The following B3GNT6 variants were observed in gnomAD, a reference collection of about 807,000 sequenced individuals.
The protein encoded by B3GNT6 is UDP-GlcNAc:betaGal beta-1,3-N-acetylglucosaminyltransferase 6, also known as acetylgalactosaminyl-O-glycosyl-glycoprotein beta-1,3-N-acetylglucosaminyltransferase.
For synonymous variants in B3GNT6, 300 were observed against 270.0 expected, an observed-to-expected ratio of 1.11 and a Z score of -1.09; for missense variants, 624 against 568.6, an observed-to-expected ratio of 1.10 and a Z score of -0.99.
Position 77,039,682 on chromosome 11 carries a change from A to C in B3GNT6, c.131A>C (p.Gln44Pro), listed in dbSNP as rs367808467. The C allele has an allele frequency of 1.2e-6, 2 of 1,612,178 alleles. No homozygotes were observed. The highest frequency in any genetic ancestry group is 1.7e-5 in the Admixed American group (1 of 59,960). Reference protein sequence around the residue: ...PRSPREERSPQEETPEGPTDA... With the variant: ...PRSPREERSPPEETPEGPTDA... ...TCCCCGCGGGAGGAGAGGTCCCCGCAGGAGGAGACGCCAGAGGGTCCCACC... is the reference window on the plus strand; with the variant it reads ...TCCCCGCGGGAGGAGAGGTCCCCGCCGGAGGAGACGCCAGAGGGTCCCACC... The change falls in exon 2 of 2, where the codon CAG (glutamine) becomes CCG (proline). Residue 44 changes from glutamine to proline, a missense_variant. Transcript: ENST00000622824.
Position 77,039,902 on chromosome 11 carries a change from G to T in B3GNT6, c.351G>T (p.Val117=). The change falls in exon 2 of 2, where the codon GTG becomes GTT. Residue 117 remains valine (V), a synonymous_variant. Transcript: ENST00000622824. The stretch of plus-strand genomic sequence containing the variant: ...CCAAGTGCGCCGGCGGCCGAGGCGT[G>T]TTCCTGCTCCTGGCGGTGAAGTCGG... ...APAKCAGGRG[V]FLLLAVKSAP... is the part of the protein sequence containing the mutation. 2.5e-6 allele frequency: 4 copies of T among 1,592,232 alleles called. No individual in the cohort carries two copies. The South Asian group carries it at 4.5e-5, about 18-fold the overall frequency.
intron 1 of B3GNT6, among the ~76,000 whole-genome samples, chr11:77,039,272 C>T (rs1949662813): frequency 6.6e-6 from 1 of 152,080 alleles, no homozygotes; most frequent in Admixed American, 6.5e-5. Flanking sequence ...AAGATGGAGA[C>T]TCAGACGATG....
Position 77,039,929 on chromosome 11 carries a change from G to T in B3GNT6, c.378G>T (p.Ala126=). 4 of 1,592,638 alleles carry T rather than the reference G, an allele frequency of 2.5e-6. No individual in the cohort carries two copies. In the South Asian group the frequency reaches 4.4e-5, roughly 18 times the overall value. ...GVFLLLAVKS[A]PEHYERRELI... is the part of the protein sequence containing the mutation. ...TCCTGCTCCTGGCGGTGAAGTCGGC[G>T]CCTGAGCACTACGAGCGACGCGAGC... is the stretch of plus-strand genomic sequence containing the variant. Residue 126 remains alanine, a synonymous_variant, in exon 2 of 2, where the codon GCG becomes GCT. Coordinates refer to ENST00000622824, the MANE Select transcript of B3GNT6 (RefSeq NM_138706.5).
Position 77,039,561 on chromosome 11 carries a change from C to G in B3GNT6, c.10C>G (p.Pro4Ala). ...TCGGTTTCCCCCACAGATGGCTTTT[C>G]CCTGCCGCAGGTCCCTGACTGCCAA... The part of the protein sequence containing the change: MAF[P>A]CRRSLTAKTL... Residue 4 changes from proline (P) to alanine (A), a missense_variant, in exon 2 of 2, where the codon CCC becomes GCC. Transcript: ENST00000622824. 6.3e-7 allele frequency: 1 copy of G among 1,576,016 alleles called. No individual in the cohort carries two copies. Among genetic ancestry groups the G allele is most frequent in the Non-Finnish European group, 8.6e-7 (1 of 1,161,232 alleles).
chr11:77,037,997 AG>A (rs1949647646), intron 1 of B3GNT6, among the ~76,000 whole-genome samples: 1 of 8,264 alleles, frequency 1.2e-4, no homozygotes, highest in Admixed American at 1.1e-3. Context: ...AGGGAGGAGG[AG>A]GGGGAGGAGG....
At chr11:77,039,443 G>A (rs1565240992) in intron 1 of B3GNT6, 109 bp from the exon 2 acceptor site, 3 of 1,492,286 alleles carry the variant, frequency 2.0e-6, no homozygotes, top group Non-Finnish European at 2.7e-6. Flanking sequence ...CAGCAGAGTT[G>A]AGAAGGGGCT....
Position 77,040,175 on chromosome 11 carries a change from G to A in B3GNT6, c.624G>A (p.Leu208=), listed in dbSNP as rs782553406. Reference sequence around the variant, plus strand: ...AGCACCTGCACTTGCTCGACTGGCTGGCTGCACGCTGCCCGCACGCGCGCT... The same window carrying A: ...AGCACCTGCACTTGCTCGACTGGCTAGCTGCACGCTGCCCGCACGCGCGCT... ...TLKHLHLLDW[L]AARCPHARFL... is the part of the protein sequence containing the mutation. Residue 208 remains leucine, a synonymous_variant, in exon 2 of 2, where the codon CTG becomes CTA. Transcript: ENST00000622824. 3 of 1,599,398 alleles carry A rather than the reference G, an allele frequency of 1.9e-6. No homozygotes were observed. The Admixed American group carries it at 5.0e-5, about 27-fold the overall frequency.
At chr11:77,035,154 T>C (rs1555026790) in intron 1 of B3GNT6, among the ~76,000 whole-genome samples, 1 of 152,120 alleles carries the variant, frequency 6.6e-6, no homozygotes, top group Non-Finnish European at 1.5e-5. Flanking sequence ...TGAATAGCAT[T>C]GCAAAGGCAA....
rs1555027497 is a variant in B3GNT6, at chr11:77,039,905, C to G, written c.354C>G (p.Phe118Leu). 1 of 1,592,364 alleles carries G rather than the reference C, an allele frequency of 6.3e-7. No individual in the cohort carries two copies. Residue 118 changes from phenylalanine to leucine, a missense_variant, in exon 2 of 2, where the codon TTC becomes TTG. Transcript: ENST00000622824. The stretch of plus-strand genomic sequence containing the variant: ...AGTGCGCCGGCGGCCGAGGCGTGTT[C>G]CTGCTCCTGGCGGTGAAGTCGGCGC... ...PAKCAGGRGV[F>L]LLLAVKSAPE...
In B3GNT6 at chr11:77,040,382, G is replaced by A; in HGVS notation, c.831G>A (p.Pro277=). ...AGCTCTTCCCCGGGTCCGCTTACCC[G>A]GTGTACTGCAGCGGCGGCGGCTTCC... The part of the protein sequence containing the change: ...PPQLFPGSAY[P]VYCSGGGFLL... The change falls in exon 2 of 2, where the codon CCG becomes CCA. Residue 277 remains proline, a synonymous_variant. Coordinates refer to ENST00000622824, the MANE Select transcript of B3GNT6 (RefSeq NM_138706.5). 6.5e-7 allele frequency: 1 copy of A among 1,535,478 alleles called. No individual in the cohort carries two copies. The highest frequency in any genetic ancestry group is 8.7e-7 in the Non-Finnish European group (1 of 1,146,520).
At chr11:77,034,839 C>T (rs1949621887) in intron 1 of B3GNT6, among the ~76,000 whole-genome samples, 1 of 152,158 alleles carries the variant, frequency 6.6e-6, no homozygotes. Context: ...GAGGGAATGA[C>T]CAAAGTAGTT....
Position 77,040,483 on chromosome 11 carries a change from A to G in B3GNT6, c.932A>G (p.Tyr311Cys). The change falls in exon 2 of 2, where the codon TAC (tyrosine) becomes TGC (cysteine). Residue 311 changes from tyrosine to cysteine, a missense_variant. Physicochemically the swap from Tyr to Cys is radical, Grantham distance 194 (BLOSUM62 -2). Transcript: ENST00000622824. ...HTPLFPIDDA[Y>C]MGMCLERAGL... The stretch of plus-strand genomic sequence containing the variant: ...CCGCTCTTCCCCATCGACGACGCCT[A>G]CATGGGCATGTGTCTGGAGCGCGCC... 6.5e-7 allele frequency: 1 copy of G among 1,539,456 alleles called. No homozygotes were observed.
intron 1 of B3GNT6, 107 bp from the exon 2 acceptor site, chr11:77,039,445 G>C (rs1463770385): frequency 6.7e-6 from 10 of 1,492,318 alleles, no homozygotes; most frequent in Non-Finnish European, 8.9e-6. Context: ...GCAGAGTTGA[G>C]AAGGGGCTGG....
At position 77,039,787 on chromosome 11, in the gene B3GNT6, CGG is replaced by C; in HGVS notation, c.237_238del (p.Ala80ArgfsTer48). 2 of 1,580,508 alleles carry C rather than the reference CGG, an allele frequency of 1.3e-6. No individual in the cohort carries two copies. Among genetic ancestry groups the C allele is most frequent in the Non-Finnish European group, 1.7e-6 (2 of 1,168,742 alleles). On this transcript the variant is annotated frameshift_variant, in exon 2 of 2. Coordinates refer to ENST00000622824, the MANE Select transcript of B3GNT6 (RefSeq NM_138706.5). LOFTEE classifies it low-confidence loss of function (END_TRUNC). Reference sequence around the variant, plus strand: ...GTGGCGAACGCCTCGGCGAACGCCACGGCCGACTTCGAGCAGCTGCCCGCGCG... The same window carrying C: ...GTGGCGAACGCCTCGGCGAACGCCACCCGACTTCGAGCAGCTGCCCGCGCG...
Position 77,040,633 on chromosome 11 carries a change from A to G in B3GNT6, c.1082A>G (p.Tyr361Cys). ...CTGCTAGTGCACCGCTTCGCGCCCTACGAGATGCTGCTCATGTGGAAGGCG... is the reference window on the plus strand; with the variant it reads ...CTGCTAGTGCACCGCTTCGCGCCCTGCGAGATGCTGCTCATGTGGAAGGCG... The part of the protein sequence containing the change: ...ELLLVHRFAP[Y>C]EMLLMWKALH... The change falls in exon 2 of 2, where the codon TAC becomes TGC. Residue 361 changes from tyrosine (Y) to cysteine (C), a missense_variant. By Grantham distance (194) the Tyr-to-Cys change is radical. Transcript: ENST00000622824. 1 of 1,600,702 alleles carries G rather than the reference A, an allele frequency of 6.2e-7. No individual in the cohort carries two copies. The highest frequency in any genetic ancestry group is 8.5e-7 in the Non-Finnish European group (1 of 1,179,174).
rs201940118 is a variant in B3GNT6 at position 77,040,555 on chromosome 11, A to G, written c.1004A>G (p.Gln335Arg). 6.9e-4 allele frequency: 1,088 copies of G among 1,581,956 alleles called. No individual in the cohort carries two copies. Among genetic ancestry groups the G allele is most frequent in the Admixed American group, 3.9e-3 (226 of 57,842 alleles). ...GAGGGCATCCGACCCTTCGGCGTGC[A>G]GCTGCCTGGCGCACAGCAGTCCTCC... The part of the protein sequence containing the change: ...GHEGIRPFGV[Q>R]LPGAQQSSFD... The change falls in exon 2 of 2, where the codon CAG (glutamine) becomes CGG (arginine). Residue 335 changes from glutamine to arginine, a missense_variant. Coordinates refer to ENST00000622824, the MANE Select transcript of B3GNT6 (RefSeq NM_138706.5).
In B3GNT6 at chr11:77,040,491, A is replaced by T; in HGVS notation, c.940A>T (p.Met314Leu). ...LFPIDDAYMG[M>L]CLERAGLAPS... ...CCCCATCGACGACGCCTACATGGGC[A>T]TGTGTCTGGAGCGCGCCGGCCTGGC... is the stretch of plus-strand genomic sequence containing the variant. The change falls in exon 2 of 2, where the codon ATG (methionine) becomes TTG (leucine). Residue 314 changes from methionine to leucine, a missense_variant. Physicochemically the swap from Met to Leu is conservative, Grantham distance 15. Transcript: ENST00000622824. The T allele has an allele frequency of 4.5e-6, 7 of 1,541,160 alleles. No individual in the cohort carries two copies. The highest frequency in any genetic ancestry group is 6.1e-6 in the Non-Finnish European group (7 of 1,149,248).
At chr11:77,039,159 G>A (rs1565240896) in intron 1 of B3GNT6, among the ~76,000 whole-genome samples, 1 of 152,166 alleles carries the variant, frequency 6.6e-6, no homozygotes, top group Non-Finnish European at 1.5e-5. Context: ...AACAGGATGC[G>A]GAGAGCAGGT....
At chr11:77,034,707 TTTCTGCTATATGAATA>T (rs1477891756) in intron 1 of B3GNT6, among the ~76,000 whole-genome samples, 4 of 152,210 alleles carry the variant, frequency 2.6e-5, no homozygotes, top group Non-Finnish European at 5.9e-5. Context: ...TTCTTTGCCT[TTTCTGCTATATGAATA>T]TTCTGCTATA....
Sources: allele counts gnomAD v4.1 joint callset (sites outside exome capture counted in the v4.1 genomes callset), GRCh38; gene constraint gnomAD v4.1.1; transcripts MANE v1.5; gene names NCBI Gene and HGNC (gene_info 2026-07-23, HGNC 2026-07-21).